Variants in ABCA8 observed in about 807,000 individuals in gnomAD.
The protein encoded by ABCA8 is ABC-type organic anion transporter ABCA8.
Under a neutral mutation model 192.3 loss-of-function variants are expected in ABCA8, and 177 were observed. That is an observed-to-expected ratio of 0.92 (90% CI 0.81 to 1.04). The LOEUF is 1.04. ABCA8 is among the 50% of genes least tolerant of loss of function. ABCA8 has a pLI of 0.00. For synonymous variants in ABCA8, 642 were observed against 690.2 expected, an observed-to-expected ratio of 0.93 and a Z score of 1.09; for missense variants, 1,915 against 1,904.8, an observed-to-expected ratio of 1.01 and a Z score of -0.10.
At position 68,876,679 on chromosome 17, in the gene ABCA8, C is replaced by T; in HGVS notation, c.4224G>A (p.Gln1408=). 6.2e-7 allele frequency: 1 copy of T among 1,614,168 alleles called. No individual in the cohort carries two copies. The highest frequency in any genetic ancestry group is 1.7e-5 in the Admixed American group (1 of 60,024). Residue 1408 remains glutamine, a synonymous_variant, in exon 34 of 40, where the codon CAG becomes CAA. Transcript: ENST00000586539. ...TCTTCACGGGAGACTTCAGCTGGTC[C>T]TGCAGCTTGAGCGCATCCACTAACC... is the stretch of plus-strand genomic sequence containing the variant. ...ITRLVDALKL[Q]DQLKSPVKTL...
In ABCA8 at chr17:68,936,949, A is replaced by G. The variant is rs1262616635; in HGVS notation, c.466+2T>C. 5.1e-6 allele frequency: 8 copies of G among 1,561,828 alleles called. No homozygotes were observed. The highest frequency in any genetic ancestry group is 6.9e-6 in the Non-Finnish European group (8 of 1,159,670). ...AGTGAAATTTTAGAGCCATAAAATT[A>G]CCTGTATGGTCCTTGTGCTCCTTCT... On this transcript the variant is annotated splice_donor_variant, in intron 5 of 39. Coordinates refer to ENST00000586539, the MANE Select transcript of ABCA8 (RefSeq NM_001288985.2). LOFTEE classifies it high-confidence loss of function.
rs1206072704 is a variant in ABCA8 at position 68,929,079 on chromosome 17, A to G, written c.1095T>C (p.Ser365=). Residue 365 remains serine (S), a synonymous_variant, in exon 9 of 40, where the codon AGT becomes AGC. Transcript: ENST00000586539. ...CCATTCCAAGCATGAAGGCAAAGGG[A>G]CTAAGCAAGCTTAAAATCCACTCCA... ...ASLEWILSLL[S]PFAFMLGMAQ... The G allele has an allele frequency of 1.3e-6, 2 of 1,596,748 alleles. No homozygotes were observed. Among genetic ancestry groups the G allele is most frequent in the Non-Finnish European group, 1.7e-6 (2 of 1,170,990 alleles).
intron 21 of ABCA8, among the ~76,000 whole-genome samples, chr17:68,900,932 T>C (rs2066893488): frequency 6.6e-6 from 1 of 152,138 alleles, no homozygotes; most frequent in African/African-American, 2.4e-5. Flanking sequence ...TTAGAAACAC[T>C]AAATGACACT....
rs1255145883 is a variant in ABCA8, at chr17:68,887,915, T to TTATATATGGATATATATGG, written c.3145-410_3145-409insCCATATATATCCATATATA. Among the ~76,000 whole-genome samples, 72 of 45,066 alleles carry TTATATATGGATATATATGG rather than the reference T, an allele frequency of 1.6e-3. 1 individual carries two copies. Among genetic ancestry groups the TTATATATGGATATATATGG allele is most frequent in the African/African-American group, 9.0e-3 (66 of 7,360 alleles). 29.6% of individuals were successfully genotyped at this position (45,066 alleles called of 152,430 possible). On this transcript the variant is annotated intron_variant, in intron 24 of 39. Transcript: ENST00000586539. Reference sequence around the variant, plus strand: ...ATATATATATATATATATCCATATATATATATATATTATATATGGATATAT... The same window carrying TTATATATGGATATATATGG: ...ATATATATATATATATATCCATATATTATATATGGATATATATGGATATATATATTATATATGGATATAT...
At chr17:68,871,175 TA>T (rs2066040498) in intron 37 of ABCA8, among the ~76,000 whole-genome samples, 1 of 152,114 alleles carries the variant, frequency 6.6e-6, no homozygotes, top group Non-Finnish European at 1.5e-5. Context: ...TGCTGTGTCA[TA>T]ACTTGGCAGA....
At chr17:68,874,237 C>A (rs1345040757) in intron 37 of ABCA8, among the ~76,000 whole-genome samples, 1 of 152,130 alleles carries the variant, frequency 6.6e-6, no homozygotes, top group Non-Finnish European at 1.5e-5. Context: ...TGCATAGTTT[C>A]TTAAAGTTCC....
Position 68,919,424 on chromosome 17 carries a change from A to T in ABCA8, c.1665T>A (p.Asn555Lys). ...GACAAACTCCGGTCAGCTTGCTGAG[A>T]TTTTCTAGGTCAGCCATTTCTGAAA... is the stretch of plus-strand genomic sequence containing the variant. ...NKLSEMADLE[N>K]LSKLTGVCPQ... The change falls in exon 14 of 40, where the codon AAT becomes AAA. Residue 555 changes from asparagine (N) to lysine (K), a missense_variant. Coordinates refer to ENST00000586539, the MANE Select transcript of ABCA8 (RefSeq NM_001288985.2). 1 of 1,614,012 alleles carries T rather than the reference A, an allele frequency of 6.2e-7. No individual in the cohort carries two copies. The highest frequency in any genetic ancestry group is 8.5e-7 in the Non-Finnish European group (1 of 1,179,966).
chr17:68,875,452 T>C, intron 36 of ABCA8, 52 bp from the exon 37 acceptor site: 1 of 1,608,722 alleles, frequency 6.2e-7, no homozygotes, highest in Non-Finnish European at 8.5e-7. Context: ...ATTCAGTATG[T>C]TGTTTGAGAA....
In ABCA8 at chr17:68,927,948, G is replaced by A. The variant is rs756168088; in HGVS notation, c.1241C>T (p.Ala414Val). The change falls in exon 10 of 40, where the codon GCA (alanine) becomes GTA (valine). Residue 414 changes from alanine to valine, a missense_variant. Transcript: ENST00000586539. ...MLAFDTCLYL[A>V]LAIYFEKILP... Reference sequence around the variant, plus strand: ...AATTTTTTCAAAGTAAATCGCCAATGCCAGATAGAGGCAAGTGTCAAATGC... The same window carrying A: ...AATTTTTTCAAAGTAAATCGCCAATACCAGATAGAGGCAAGTGTCAAATGC... The A allele has an allele frequency of 2.9e-5, 46 of 1,606,126 alleles. No individual in the cohort carries two copies. The highest frequency in any genetic ancestry group is 3.7e-5 in the Non-Finnish European group (44 of 1,177,420).
intron 4 of ABCA8, 99 bp downstream of exon 4, chr17:68,940,659 T>C: frequency 8.7e-7 from 1 of 1,145,706 alleles, no homozygotes; most frequent in Non-Finnish European, 1.3e-6. Context: ...CCAGAAAGTT[T>C]AATTATCAAA....
chr17:68,954,594 AT>A (rs1305815226), intron 1 of ABCA8, among the ~76,000 whole-genome samples: 1 of 152,172 alleles, frequency 6.6e-6, no homozygotes, highest in Non-Finnish European at 1.5e-5. Context: ...GAGTATGAAA[AT>A]TCTTTTTACC....
In ABCA8 at chr17:68,940,837, T is replaced by C. The variant is rs1489271972; in HGVS notation, c.222A>G (p.Arg74=). Reference sequence around the variant, plus strand: ...TGACAGGTGTGTATACAACAGAAAATCTGGATTCATTAAATGTATCTACCC... The same window carrying C: ...TGACAGGTGTGTATACAACAGAAAACCTGGATTCATTAAATGTATCTACCC... ...LGRVDTFNES[R]FSVVYTPVTN... is the part of the protein sequence containing the mutation. Residue 74 remains arginine, a synonymous_variant, in exon 4 of 40, where the codon AGA becomes AGG. Transcript: ENST00000586539. The C allele has an allele frequency of 2.5e-6, 4 of 1,613,406 alleles. No homozygotes were observed. The highest frequency in any genetic ancestry group is 3.4e-6 in the Non-Finnish European group (4 of 1,179,612).
chr17:68,885,309 C>T lies in ABCA8; in HGVS notation c.3436G>A (p.Val1146Ile), dbSNP rs557521013. ...AACGCAAATCCAGCCACAGAGAATA[C>T]AGTGACCTAAAAGAAGCAAATATGA... ...IWSFCFYVVT[V>I]FSVAGFAFSI... is the part of the protein sequence containing the mutation. Residue 1146 changes from valine (V) to isoleucine (I), a missense_variant, in exon 27 of 40, where the codon GTA (valine) becomes ATA (isoleucine). Coordinates refer to ENST00000586539, the MANE Select transcript of ABCA8 (RefSeq NM_001288985.2). 4 of 1,609,222 alleles carry T rather than the reference C, an allele frequency of 2.5e-6. No homozygotes were observed. Among genetic ancestry groups the T allele is most frequent in the East Asian group, 2.2e-5 (1 of 44,712 alleles).
intron 24 of ABCA8, among the ~76,000 whole-genome samples, chr17:68,889,624 T>C (rs534453056): frequency 6.6e-6 from 1 of 152,332 alleles, no homozygotes; most frequent in South Asian, 2.1e-4. Context: ...TGCATGTTTC[T>C]GTACCACAAT....
rs1297390686 is a variant in ABCA8, at chr17:68,948,245, C to T, written c.-6+1067G>A. 2.0e-5 allele frequency among the ~76,000 whole-genome samples: 3 copies of T among 152,232 alleles called. No individual in the cohort carries two copies. The East Asian group carries it at 5.8e-4, about 29-fold the overall frequency. ...TCTTTATAGTAGAATGATTTATATTCCTTTGGGTATATACCCAGTAATGGG... is the reference window on the plus strand; with the variant it reads ...TCTTTATAGTAGAATGATTTATATTTCTTTGGGTATATACCCAGTAATGGG... On this transcript the variant is annotated intron_variant, in intron 2 of 39. Transcript: ENST00000586539.
chr17:68,885,382 C>T (rs1270039476), intron 26 of ABCA8, 67 bp from the exon 27 acceptor site: 5 of 1,463,954 alleles, frequency 3.4e-6, no homozygotes, highest in East Asian at 2.3e-5. Flanking sequence ...CGAGATGGCT[C>T]ATCTTGAAGA....
Position 68,948,241 on chromosome 17 carries a change from T to C in ABCA8, c.-6+1071A>G, listed in dbSNP as rs185388320. Among the ~76,000 whole-genome samples, 11 of 152,354 alleles carry C rather than the reference T, an allele frequency of 7.2e-5. No individual in the cohort carries two copies. In the East Asian group the frequency reaches 2.1e-3, roughly 29 times the overall value. On this transcript the variant is annotated intron_variant, in intron 2 of 39. Coordinates refer to ENST00000586539, the MANE Select transcript of ABCA8 (RefSeq NM_001288985.2). Reference sequence around the variant, plus strand: ...AGTGTCTTTATAGTAGAATGATTTATATTCCTTTGGGTATATACCCAGTAA... The same window carrying C: ...AGTGTCTTTATAGTAGAATGATTTACATTCCTTTGGGTATATACCCAGTAA...
At chr17:68,897,307 G>T (rs181881241) in intron 21 of ABCA8, among the ~76,000 whole-genome samples, 113 of 152,272 alleles carry the variant, frequency 7.4e-4, no homozygotes, top group Middle Eastern at 3.4e-3. Flanking sequence ...TGCCTCTGAA[G>T]AATGGCATCA....
At position 68,937,048 on chromosome 17, in the gene ABCA8, T is replaced by A. The variant is rs888211338; in HGVS notation, c.369A>T (p.Glu123Asp). 2 of 1,610,860 alleles carry A rather than the reference T, an allele frequency of 1.2e-6. No homozygotes were observed. Among genetic ancestry groups the A allele is most frequent in the African/African-American group, 2.7e-5 (2 of 74,728 alleles). Reference protein sequence around the residue: ...IKEFTANYPEEIVRVTFTNTY... With the variant: ...IKEFTANYPEDIVRVTFTNTY... ...TATTAGTAAAGGTGACTCTTACTAT[T>A]TCTTCAGGATAATTTGCTGTGAATT... is the stretch of plus-strand genomic sequence containing the variant. The change falls in exon 5 of 40, where the codon GAA becomes GAT. Residue 123 changes from glutamate (E) to aspartate (D), a missense_variant. Glu to Asp is a conservative substitution (Grantham distance 45). Transcript: ENST00000586539.
Sources: gnomAD v4.1 joint callset for allele counts (sites outside exome capture counted in the v4.1 genomes callset) on GRCh38, gnomAD v4.1.1 for gene constraint, MANE v1.5 for transcripts, NCBI Gene and HGNC (gene_info 2026-07-23, HGNC 2026-07-21) for gene names.